The following RASA3 variants were observed in gnomAD, a reference collection of about 807,000 sequenced individuals.
RASA3 encodes the protein RAS p21 protein activator 3.
A neutral mutation model predicts 110.0 loss-of-function variants in RASA3; 73 were observed. The observed-to-expected ratio is 0.66, with a 90% CI of 0.55 to 0.81. The LOEUF is 0.81. RASA3 is among the 30% of genes least tolerant of loss of function. The pLI is 0.00. For synonymous variants in RASA3, 500 were observed against 451.4 expected (o/e 1.11, Z -1.37); for missense variants, 976 against 1,113.2 (o/e 0.88, Z 1.75).
At chr13:114,109,190 C>T (rs1401623530) in intron 1 of RASA3, among the ~76,000 whole-genome samples, 2 of 152,216 alleles carry the variant, frequency 1.3e-5, no homozygotes, top group East Asian at 1.9e-4. Context: ...CGTCACAGGA[C>T]GTTCAGGTGG....
chr13:114,055,047 T>C (rs557912996), intron 2 of RASA3, among the ~76,000 whole-genome samples: 7 of 152,164 alleles, frequency 4.6e-5, no homozygotes, highest in African/African-American at 1.7e-4. Context: ...TGTGCATGCA[T>C]GTGCCTGTAC....
chr13:114,055,450 C>T (rs1009502223), intron 2 of RASA3, among the ~76,000 whole-genome samples: 4 of 152,222 alleles, frequency 2.6e-5, no homozygotes, highest in East Asian at 1.9e-4. Flanking sequence ...TGGTGCTCTG[C>T]GGACAGCGTC....
chr13:114,099,319 T>C (rs987123453), intron 1 of RASA3, among the ~76,000 whole-genome samples: 37 of 151,988 alleles, frequency 2.4e-4, no homozygotes, highest in Admixed American at 3.3e-4. Context: ...AGCTCCTCCC[T>C]GCATGGGGAC....
At chr13:114,028,231 G>C (rs61973870) in intron 5 of RASA3, among the ~76,000 whole-genome samples, 4,836 of 124,918 alleles carry the variant, frequency 0.039, 175 homozygotes, top group Non-Finnish European at 0.065. Flanking sequence ...CCCTAAAACA[G>C]TGTCATCCTG....
chr13:114,127,708 G>C (rs1312320969), intron 1 of RASA3, among the ~76,000 whole-genome samples: 1 of 152,148 alleles, frequency 6.6e-6, no homozygotes, highest in African/African-American at 2.4e-5. Flanking sequence ...TGGAGTTGGA[G>C]AGTTGGAGAC....
At chr13:114,066,638 A>G (rs1056080447) in intron 2 of RASA3, among the ~76,000 whole-genome samples, 3 of 152,196 alleles carry the variant, frequency 2.0e-5, no homozygotes, top group Non-Finnish European at 4.4e-5. Flanking sequence ...GTACTCACAG[A>G]ATACGAGCAA....
At chr13:114,089,808 A>G (rs1005619054) in intron 1 of RASA3, among the ~76,000 whole-genome samples, 17 of 69,592 alleles carry the variant, frequency 2.4e-4, no homozygotes, top group African/African-American at 7.4e-4. Context: ...AACGAAACCC[A>G]CCCTCCTCCC....
rs532564319 is a variant in RASA3 at position 114,071,726 on chromosome 13, C to T, written c.173+1994G>A. Among the ~76,000 whole-genome samples the T allele has an allele frequency of 2.6e-5, 4 of 152,282 alleles. No individual in the cohort carries two copies. In the East Asian group the frequency reaches 7.7e-4, roughly 29 times the overall value. ...AACATAACACAAATGACTCTCACTC[C>T]TCGGCCTGGAGGGCAGCTGCGCCAA... On this transcript the variant is annotated intron_variant, in intron 2 of 23. Transcript: ENST00000334062.
intron 2 of RASA3, among the ~76,000 whole-genome samples, chr13:114,054,855 C>T (rs975363226): frequency 1.1e-4 from 16 of 152,368 alleles, no homozygotes; most frequent in East Asian, 5.8e-4. Context: ...TGGTCGTTGA[C>T]GCAGCGAGCC....
In RASA3 at chr13:114,011,699, G is replaced by C. The variant is rs1371475989; in HGVS notation, c.1513-451C>G. On this transcript the variant is annotated intron_variant, in intron 15 of 23. Transcript: ENST00000334062. This position sits in a 1 kb window ranked among gnomAD's most constrained non-coding sequence, Gnocchi z 4.8. Reference sequence around the variant, plus strand: ...GCACTTCGGGAGGCCGAGGCAGGTAGATCACTTGAGGTCAGGAGTTCGAGA... The same window carrying C: ...GCACTTCGGGAGGCCGAGGCAGGTACATCACTTGAGGTCAGGAGTTCGAGA... Among the ~76,000 whole-genome samples the C allele has an allele frequency of 6.6e-6, 1 of 152,082 alleles. No homozygotes were observed. The highest frequency in any genetic ancestry group is 1.5e-5 in the Non-Finnish European group (1 of 68,004).
rs1277661402 is a variant in RASA3 at position 114,112,619 on chromosome 13, G to T, written c.55+19816C>A. On this transcript the variant is annotated intron_variant, in intron 1 of 23. Transcript: ENST00000334062. This position sits in a 1 kb window ranked among gnomAD's most constrained non-coding sequence, Gnocchi z 4.8. ...TGGGGACCCCGCTAGGAGAGCCCCG[G>T]GTTAAGGGTTGGTAACTGGAGAATG... is the stretch of plus-strand genomic sequence containing the variant. 6.6e-6 allele frequency among the ~76,000 whole-genome samples: 1 copy of T among 152,066 alleles called. No homozygotes were observed. The highest frequency in any genetic ancestry group is 2.4e-5 in the African/African-American group (1 of 41,420).
rs145757936 is a variant in RASA3, at chr13:114,048,610, C to T, written c.277+3442G>A. Among the ~76,000 whole-genome samples, 270 of 152,302 alleles carry T rather than the reference C, an allele frequency of 1.8e-3. 1 individual carries two copies. Among genetic ancestry groups the T allele is most frequent in the African/African-American group, 6.4e-3 (265 of 41,576 alleles). ...TCCGGTCTGTGCTCTGTGAGGGCAG[C>T]GCCCGGCAGCCGAGTCCAGGCAGAG... On this transcript the variant is annotated intron_variant, in intron 3 of 23. Coordinates refer to ENST00000334062, the MANE Select transcript of RASA3 (RefSeq NM_007368.4). This position sits in a 1 kb window ranked among gnomAD's most constrained non-coding sequence, Gnocchi z 4.3.
At chr13:114,074,832 T>G (rs1450454735) in intron 1 of RASA3, among the ~76,000 whole-genome samples, 3 of 152,246 alleles carry the variant, frequency 2.0e-5, no homozygotes, top group Non-Finnish European at 2.9e-5. Context: ...GAACCCCAGC[T>G]GCGACTTCTC....
Position 113,979,419 on chromosome 13 carries a change from C to T in RASA3, c.2433G>A (p.Glu811=). 6.3e-7 allele frequency: 1 copy of T among 1,598,410 alleles called. No homozygotes were observed. The highest frequency in any genetic ancestry group is 2.2e-5 in the East Asian group (1 of 44,792). Residue 811 remains glutamate, a synonymous_variant, in exon 24 of 24, where the codon GAG becomes GAA. Transcript: ENST00000334062. ...KFKKTKYGSQ[E]HPIGDKSFQN... is the part of the protein sequence containing the mutation. ...GGAAGCTCTTGTCTCCGATGGGGTG[C>T]TCCCTGAAAAGGGGGATGGGAGAGG...
rs9562178 is a variant in RASA3, at chr13:114,013,952, G to A, written c.1406-704C>T. ...TCTCTCTCCCTGTCTCTATCTCTCT[G>A]TCTCTCTCTCTCTCTCTCCGTCTCG... On this transcript the variant is annotated intron_variant, in intron 14 of 23. Transcript: ENST00000334062. Among the ~76,000 whole-genome samples the A allele has an allele frequency of 4.6e-5, 5 of 108,230 alleles. 1 individual carries two copies. In the South Asian group the frequency reaches 1.6e-3, roughly 35 times the overall value. The allele number at this position is 108,230 out of a possible 152,430, so 71.0% of individuals were successfully genotyped here. A position where few individuals can be genotyped will look rare whatever the true frequency, so the allele number is the denominator to read the frequency against.
intron 22 of RASA3, among the ~76,000 whole-genome samples, chr13:113,990,560 G>A (rs185934190): frequency 1.7e-4 from 26 of 152,354 alleles, no homozygotes; most frequent in Non-Finnish European, 3.4e-4. Context: ...GAGGCTGGCT[G>A]ATGCCAGACC....
rs1442148039 is a variant in RASA3, at chr13:113,978,538, C to A, written c.*809G>T. 6.6e-6 allele frequency: 1 copy of A among 152,328 alleles called. No homozygotes were observed. The highest frequency in any genetic ancestry group is 2.4e-5 in the African/African-American group (1 of 41,562). 9.4% of individuals were successfully genotyped at this position (152,328 alleles called of 1,614,324 possible). ...TTCTATTTTTAAAATCTTCAAACTT[C>A]CACGGGGGGTGGCAAATGTTAATTC... On this transcript the variant is annotated 3_prime_UTR_variant, in exon 24 of 24. Transcript: ENST00000334062.
chr13:114,080,629 G>A (rs2079768592), intron 1 of RASA3, among the ~76,000 whole-genome samples: 2 of 84,866 alleles, frequency 2.4e-5, no homozygotes, highest in African/African-American at 1.1e-4. Flanking sequence ...CCTAGAAGGC[G>A]CCCACTGTGC....
chr13:114,035,187 C>T (rs911893019), intron 4 of RASA3, among the ~76,000 whole-genome samples: 6 of 152,226 alleles, frequency 3.9e-5, no homozygotes, highest in Admixed American at 2.6e-4. Flanking sequence ...TCAAAGCCAA[C>T]GGCAAATTCC....
Sources: allele counts gnomAD v4.1 joint callset (sites outside exome capture counted in the v4.1 genomes callset), GRCh38; gene constraint gnomAD v4.1.1; non-coding constraint Gnocchi (gnomAD v3.1); transcripts MANE v1.5; gene names NCBI Gene and HGNC (gene_info 2026-07-23, HGNC 2026-07-21).